Variants in CSNK2A2 observed in about 807,000 individuals in gnomAD.
The protein encoded by CSNK2A2 is casein kinase 2 alpha 2.
In CSNK2A2, 8 loss-of-function variants were observed where a neutral mutation model predicts 54.0. The ratio of observed to expected loss-of-function variants is 0.15; its 90% confidence interval spans 0.09 to 0.27. The LOEUF is 0.27. CSNK2A2 is among the 10% of genes least tolerant of loss of function. The pLI is 1.00. For missense variants in CSNK2A2, 242 were observed against 439.4 expected, an observed-to-expected ratio of 0.55 and a Z score of 4.02; for synonymous variants, 141 against 153.9, an observed-to-expected ratio of 0.92 and a Z score of 0.62.
chr16:58,189,559 C>T lies in CSNK2A2; in HGVS notation c.217-2703G>A, dbSNP rs1347052629. On this transcript the variant is annotated intron_variant, in intron 2 of 11. Transcript: ENST00000262506. ...TCAGCAACAGGTCAGGCCTGGACAACCCAGTTAAGATGAACCTCCCTCTCA... is the reference window on the plus strand; with the variant it reads ...TCAGCAACAGGTCAGGCCTGGACAATCCAGTTAAGATGAACCTCCCTCTCA... Among the ~76,000 whole-genome samples the T allele has an allele frequency of 2.6e-5, 4 of 152,236 alleles. No homozygotes were observed. The East Asian group carries it at 5.8e-4, about 22-fold the overall frequency.
chr16:58,174,247 T>C (rs548497040), intron 5 of CSNK2A2: 5 of 503,642 alleles, frequency 9.9e-6, no homozygotes, highest in Admixed American at 7.9e-5. Context: ...CTGGTACCCC[T>C]TGACTTGGCC....
At chr16:58,190,712 G>T (rs1328712959) in intron 2 of CSNK2A2, among the ~76,000 whole-genome samples, 2 of 152,168 alleles carry the variant, frequency 1.3e-5, no homozygotes, top group Admixed American at 1.3e-4. Flanking sequence ...CACAAGTCAG[G>T]ATAGCTGCTA....
intron 4 of CSNK2A2, among the ~76,000 whole-genome samples, chr16:58,183,537 A>C (rs183093694): frequency 6.6e-6 from 1 of 152,282 alleles, no homozygotes; most frequent in Admixed American, 6.5e-5. Flanking sequence ...ACAATCAACT[A>C]CAAGTCCTCC....
chr16:58,177,151 A>G (rs1961903029), intron 4 of CSNK2A2, among the ~76,000 whole-genome samples: 1 of 152,200 alleles, frequency 6.6e-6, no homozygotes, highest in African/African-American at 2.4e-5. Context: ...ACCAAACACC[A>G]TGTATGGCAG....
intron 4 of CSNK2A2, among the ~76,000 whole-genome samples, chr16:58,176,937 G>A (rs774935647): frequency 4.6e-5 from 7 of 152,132 alleles, no homozygotes; most frequent in African/African-American, 1.4e-4. Flanking sequence ...CCTGTGCTTC[G>A]TGGCATACAC....
At chr16:58,184,944 T>C (rs1169750447) in intron 3 of CSNK2A2, among the ~76,000 whole-genome samples, 1 of 152,214 alleles carries the variant, frequency 6.6e-6, no homozygotes, top group Non-Finnish European at 1.5e-5. Context: ...TCTCATCTTA[T>C]CAAGCAGACC....
rs371506891 is a variant in CSNK2A2 at position 58,164,055 on chromosome 16, C to T, written c.*16G>A. On this transcript the variant is annotated splice_region_variant and 3_prime_UTR_variant, in exon 11 of 12. Coordinates refer to ENST00000262506, the MANE Select transcript of CSNK2A2 (RefSeq NM_001896.4). ...TGGCAAGCATCAATGCCGCATTACC[C>T]GTCGCTTTCCAGTCTTCATCGTGCT... 5.5e-5 allele frequency: 89 copies of T among 1,610,308 alleles called. No individual in the cohort carries two copies. The highest frequency in any genetic ancestry group is 6.7e-5 in the Non-Finnish European group (79 of 1,177,570).
chr16:58,177,117 A>G (rs1401789646), intron 4 of CSNK2A2, among the ~76,000 whole-genome samples: 2 of 152,240 alleles, frequency 1.3e-5, no homozygotes, highest in African/African-American at 4.8e-5. Flanking sequence ...GTCCTCACAC[A>G]GCCGAAAAGC....
chr16:58,186,677 T>TG (rs1407827371), intron 3 of CSNK2A2, 78 bp downstream of exon 3: 2 of 967,086 alleles, frequency 2.1e-6, no homozygotes, highest in Non-Finnish European at 3.2e-6. Context: ...TATCATTACG[T>TG]GAGGTTCTGT....
intron 5 of CSNK2A2, 116 bp from the exon 6 acceptor site, chr16:58,168,809 T>C (rs1348567277): frequency 1.8e-5 from 13 of 741,814 alleles, no homozygotes; most frequent in Non-Finnish European, 2.7e-5. Context: ...AACGGGCAGC[T>C]TGCTGCCTGT....
intron 2 of CSNK2A2, among the ~76,000 whole-genome samples, chr16:58,191,107 A>G (rs552861789): frequency 6.6e-6 from 1 of 152,362 alleles, no homozygotes; most frequent in South Asian, 2.1e-4. Flanking sequence ...GCTGTGCAAA[A>G]TAATCCAGCC....
At chr16:58,192,447 T>TAA (rs35731721) in intron 2 of CSNK2A2, among the ~76,000 whole-genome samples, 142 of 142,356 alleles carry the variant, frequency 1.0e-3, no homozygotes, top group East Asian at 3.6e-3. Flanking sequence ...CTCTATGGGT[T>TAA]AAAAAAAAAA....
At chr16:58,166,801 T>C (rs1321714431) in intron 8 of CSNK2A2, 117 bp from the exon 9 acceptor site, 7 of 716,128 alleles carry the variant, frequency 9.8e-6, no homozygotes, top group African/African-American at 1.8e-5. Context: ...AGGAACGAGA[T>C]ACAAACCCAG....
intron 10 of CSNK2A2, among the ~76,000 whole-genome samples, chr16:58,165,005 G>A (rs37361): frequency 0.45 from 67,726 of 151,804 alleles, 15,654 homozygotes; most frequent in South Asian, 0.53. Flanking sequence ...TGAAACACAC[G>A]TTATCAGAGG....
chr16:58,185,725 C>CCTTCTCAGT (rs758816751), intron 3 of CSNK2A2, among the ~76,000 whole-genome samples: 5 of 152,230 alleles, frequency 3.3e-5, no homozygotes, highest in Admixed American at 6.5e-5. Context: ...CCATCCCTTC[C>CCTTCTCAGT]CTTCTCAGTC....
intron 5 of CSNK2A2, among the ~76,000 whole-genome samples, chr16:58,170,146 AT>A (rs1300795626): frequency 6.6e-6 from 1 of 150,838 alleles, no homozygotes; most frequent in Non-Finnish European, 1.5e-5. Flanking sequence ...TTTTTCACAA[AT>A]TTAAAAAGCT....
intron 3 of CSNK2A2, 81 bp downstream of exon 3, chr16:58,186,673 TA>T: frequency 1.1e-6 from 1 of 922,942 alleles, no homozygotes. Context: ...ACTGTATCAT[TA>T]CGTGAGGTTC....
intron 5 of CSNK2A2, among the ~76,000 whole-genome samples, chr16:58,171,555 A>C (rs1162851610): frequency 6.6e-6 from 1 of 152,018 alleles, no homozygotes; most frequent in Non-Finnish European, 1.5e-5. Flanking sequence ...AACAGGCACT[A>C]CTAACTATGG....
chr16:58,178,977 C>T (rs879658270), intron 4 of CSNK2A2, among the ~76,000 whole-genome samples: 5 of 152,140 alleles, frequency 3.3e-5, no homozygotes, highest in African/African-American at 4.8e-5. Context: ...TTCACAAACA[C>T]ACAGCTATAA....
Sources: gnomAD v4.1 joint callset for allele counts (sites outside exome capture counted in the v4.1 genomes callset) on GRCh38, gnomAD v4.1.1 for gene constraint, MANE v1.5 for transcripts, NCBI Gene and HGNC (gene_info 2026-07-23, HGNC 2026-07-21) for gene names.